The following GHR variants were observed in gnomAD, a reference collection of about 807,000 sequenced individuals.
GHR encodes the protein growth hormone receptor, also known as GH receptor.
A neutral mutation model predicts 67.1 loss-of-function variants in GHR; 35 were observed. That is an observed-to-expected ratio of 0.52 (90% CI 0.40 to 0.69). The LOEUF (loss-of-function observed/expected upper bound fraction) is 0.69. Among genes scored for constraint, GHR ranks in the 30% least tolerant of loss-of-function variants. GHR has a pLI of 0.00. For synonymous variants in GHR, 272 were observed against 269.1 expected (o/e 1.01, Z -0.10); for missense variants, 792 against 764.6 (o/e 1.04, Z -0.42).
At position 42,699,897 on chromosome 5, in the gene GHR, C is replaced by A. The variant is rs561281010; in HGVS notation, c.513C>A (p.Ile171=). Residue 171 remains isoleucine, a synonymous_variant, in exon 6 of 10, where the codon ATC becomes ATA. Transcript: ENST00000230882. ...NVSLTGIHAD[I]QVRWEAPRNA... is the part of the protein sequence containing the mutation. ...GTTTAACTGGGATTCATGCAGATAT[C>A]CAAGTGAGATGGGAAGCACCACGCA... 6.2e-7 allele frequency: 1 copy of A among 1,604,536 alleles called. No homozygotes were observed. The highest frequency in any genetic ancestry group is 2.2e-5 in the East Asian group (1 of 44,818).
intron 1 of GHR, among the ~76,000 whole-genome samples, chr5:42,559,334 A>C (rs1310254533): frequency 2.0e-5 from 3 of 152,176 alleles, no homozygotes; most frequent in African/African-American, 7.2e-5. Flanking sequence ...TGAGGCCAGG[A>C]ATTAGAGACC....
At chr5:42,476,449 G>C (rs1010757765) in intron 1 of GHR, among the ~76,000 whole-genome samples, 3 of 151,986 alleles carry the variant, frequency 2.0e-5, no homozygotes, top group African/African-American at 2.4e-5. Context: ...TCCATCTCCT[G>C]ACCTCGTGAT....
chr5:42,436,003 G>A (rs370423972), intron 1 of GHR, among the ~76,000 whole-genome samples: 1 of 152,180 alleles, frequency 6.6e-6, no homozygotes, highest in Non-Finnish European at 1.5e-5. Flanking sequence ...TAAGCTAAGA[G>A]GTAGTCATAA....
chr5:42,716,511 C>T (rs1758730826), intron 8 of GHR, among the ~76,000 whole-genome samples: 1 of 152,106 alleles, frequency 6.6e-6, no homozygotes, highest in Non-Finnish European at 1.5e-5. Context: ...AATGAAGATG[C>T]TTGTGTTCTC....
chr5:42,709,222 C>T (rs894419237), intron 6 of GHR, among the ~76,000 whole-genome samples: 1 of 152,172 alleles, frequency 6.6e-6, no homozygotes, highest in Non-Finnish European at 1.5e-5. Flanking sequence ...CAACCTCCAC[C>T]TCCAGAGTTC....
intron 1 of GHR, among the ~76,000 whole-genome samples, chr5:42,445,471 A>G (rs1303256067): frequency 1.3e-5 from 2 of 152,214 alleles, no homozygotes; most frequent in African/African-American, 4.8e-5. Flanking sequence ...AGCCAGCTTT[A>G]TACTCTAAAA....
At chr5:42,600,441 A>C (rs1268374922) in intron 2 of GHR, among the ~76,000 whole-genome samples, 1 of 152,198 alleles carries the variant, frequency 6.6e-6, no homozygotes, top group Non-Finnish European at 1.5e-5. Context: ...CAGGATGGCT[A>C]GGCCATTCTA....
chr5:42,452,813 A>G (rs1934794039), intron 1 of GHR, among the ~76,000 whole-genome samples: 1 of 151,942 alleles, frequency 6.6e-6, no homozygotes, highest in East Asian at 1.9e-4. Context: ...TAGTTTTTAA[A>G]TTTATTTAAA....
At chr5:42,570,481 T>A (rs1228159217) in intron 2 of GHR, among the ~76,000 whole-genome samples, 1 of 152,226 alleles carries the variant, frequency 6.6e-6, no homozygotes, top group Non-Finnish European at 1.5e-5. Flanking sequence ...TTTTATTAAG[T>A]CATTTTACAG....
rs571573312 is a variant in GHR, at chr5:42,518,813, C to T, written c.-11-47051C>T. Among the ~76,000 whole-genome samples, 3 of 152,272 alleles carry T rather than the reference C, an allele frequency of 2.0e-5. No individual in the cohort carries two copies. The East Asian group carries it at 5.8e-4, about 29-fold the overall frequency. On this transcript the variant is annotated intron_variant, in intron 1 of 9. Coordinates refer to ENST00000230882, the MANE Select transcript of GHR (RefSeq NM_000163.5). Reference sequence around the variant, plus strand: ...GAGAAATGTGGCAAAGTGAGAAAGACTCACTCTTTGGGACTCCAAAAATGT... The same window carrying T: ...GAGAAATGTGGCAAAGTGAGAAAGATTCACTCTTTGGGACTCCAAAAATGT...
At chr5:42,692,720 T>C (rs1022616110) in intron 4 of GHR, among the ~76,000 whole-genome samples, 4 of 152,144 alleles carry the variant, frequency 2.6e-5, no homozygotes, top group Non-Finnish European at 4.4e-5. Flanking sequence ...GGTACTGACA[T>C]GCACTGTTGA....
At chr5:42,689,952 C>T (rs1247076930) in intron 4 of GHR, among the ~76,000 whole-genome samples, 1 of 152,074 alleles carries the variant, frequency 6.6e-6, no homozygotes, top group Non-Finnish European at 1.5e-5. Context: ...AAACAAAGAC[C>T]TCTCAATATA....
intron 1 of GHR, among the ~76,000 whole-genome samples, chr5:42,527,684 A>T (rs1283475730): frequency 6.6e-6 from 1 of 152,164 alleles, no homozygotes; most frequent in Non-Finnish European, 1.5e-5. Context: ...TAGGACCTGA[A>T]CTCAACATTG....
chr5:42,516,259 T>G (rs146263775), intron 1 of GHR, among the ~76,000 whole-genome samples: 107 of 152,318 alleles, frequency 7.0e-4, no homozygotes, highest in African/African-American at 2.5e-3. Context: ...ATTTGTTAGA[T>G]TTTTCTCAAG....
chr5:42,607,895 A>G (rs927730298), intron 2 of GHR, among the ~76,000 whole-genome samples: 2 of 152,238 alleles, frequency 1.3e-5, no homozygotes, highest in Non-Finnish European at 2.9e-5. Context: ...CAACACCTCA[A>G]TCTACTTTCA....
At chr5:42,606,190 G>T (rs1032386228) in intron 2 of GHR, among the ~76,000 whole-genome samples, 6 of 152,088 alleles carry the variant, frequency 3.9e-5, no homozygotes, top group Admixed American at 1.3e-4. Flanking sequence ...TTTTATCATT[G>T]GATTGAGCTG....
rs1744674967 is a variant in GHR at position 42,465,279 on chromosome 5, T to G, written c.-12+41324T>G. ...CAGAAAGAATTTGATTTTCTTATAC[T>G]GAATGTGATGATCTTGAAGAACAGA... On this transcript the variant is annotated intron_variant, in intron 1 of 9. Transcript: ENST00000230882. 16 of 636,446 alleles carry G rather than the reference T, an allele frequency of 2.5e-5. No homozygotes were observed. In the South Asian group the frequency reaches 3.2e-4, roughly 13 times the overall value. 39.4% of individuals were successfully genotyped at this position (636,446 alleles called of 1,614,324 possible).
intron 1 of GHR, among the ~76,000 whole-genome samples, chr5:42,491,213 T>A (rs1308175223): frequency 1.3e-5 from 2 of 152,256 alleles, no homozygotes; most frequent in African/African-American, 4.8e-5. Context: ...TGAACTTGCT[T>A]TCTTCTGCCT....
At chr5:42,485,496 G>C (rs577304630) in intron 1 of GHR, among the ~76,000 whole-genome samples, 2 of 152,222 alleles carry the variant, frequency 1.3e-5, no homozygotes, top group African/African-American at 4.8e-5. Context: ...CAACTTTACA[G>C]ATGAGAAAAA....
Sources: allele counts gnomAD v4.1 joint callset (sites outside exome capture counted in the v4.1 genomes callset), GRCh38; gene constraint gnomAD v4.1.1; transcripts MANE v1.5; gene names NCBI Gene and HGNC (gene_info 2026-07-23, HGNC 2026-07-21).